AOPEP: variants seen among roughly 807,000 people sequenced by gnomAD.
The protein encoded by AOPEP is aminopeptidase O (putative).
Under a neutral mutation model 98.1 loss-of-function variants are expected in AOPEP, and 77 were observed. The ratio of observed to expected loss-of-function variants is 0.78; its 90% CI spans 0.65 to 0.95. The LOEUF (loss-of-function observed/expected upper bound fraction) is 0.95, where lower values mean the gene tolerates loss of function less well. AOPEP is among the 40% of genes least tolerant of loss of function. The pLI is 0.00. For missense variants in AOPEP, 1,024 were observed against 1,024.7 expected (o/e 1.00, Z 0.01); for synonymous variants, 346 against 365.3 (o/e 0.95, Z 0.60).
At chr9:95,064,627 G>T (rs2067682872) in intron 14 of AOPEP, among the ~76,000 whole-genome samples, 1 of 152,182 alleles carries the variant, frequency 6.6e-6, no homozygotes, top group Non-Finnish European at 1.5e-5. Flanking sequence ...CAAGCCATTG[G>T]TCAGGGGGCG....
At chr9:94,826,689 A>T (rs548764671) in intron 5 of AOPEP, among the ~76,000 whole-genome samples, 1 of 152,270 alleles carries the variant, frequency 6.6e-6, no homozygotes, top group South Asian at 2.1e-4. Context: ...GATTGATGTC[A>T]TGTGATAATA....
intron 1 of AOPEP, among the ~76,000 whole-genome samples, chr9:94,737,237 C>T (rs369877208): frequency 2.6e-4 from 40 of 151,974 alleles, no homozygotes; most frequent in African/African-American, 9.4e-4. Context: ...CCTGAGTAGC[C>T]GAGAGTACAA....
chr9:94,864,494 G>GAAT (rs2045485076), intron 5 of AOPEP, among the ~76,000 whole-genome samples: 1 of 152,180 alleles, frequency 6.6e-6, no homozygotes, highest in Admixed American at 6.5e-5. Context: ...ATTCATAAGA[G>GAAT]GATTTATTTA....
Position 94,930,201 on chromosome 9 carries a change from C to T in AOPEP, c.1661+1670C>T, listed in dbSNP as rs532566597. On this transcript the variant is annotated intron_variant, in intron 7 of 16. Transcript: ENST00000375315. This position sits in a 1 kb window ranked among gnomAD's most constrained non-coding sequence, Gnocchi z 4.5. The stretch of plus-strand genomic sequence containing the variant: ...GAGTGCCTGTGACAGATGCAAGACG[C>T]AGACCTATTTGAAATGTGTTTTGGC... Among the ~76,000 whole-genome samples the T allele has an allele frequency of 3.9e-5, 6 of 152,190 alleles. No individual in the cohort carries two copies. Among genetic ancestry groups the T allele is most frequent in the Non-Finnish European group, 7.3e-5 (5 of 68,036 alleles).
At chr9:94,999,635 A>G (rs544260191) in intron 11 of AOPEP, among the ~76,000 whole-genome samples, 2 of 152,202 alleles carry the variant, frequency 1.3e-5, no homozygotes, top group Non-Finnish European at 2.9e-5. Context: ...CCAGAACTTA[A>G]TGCGATAACA....
chr9:94,833,629 A>G (rs2041194204), intron 5 of AOPEP, among the ~76,000 whole-genome samples: 1 of 152,216 alleles, frequency 6.6e-6, no homozygotes, highest in East Asian at 1.9e-4. Flanking sequence ...TGAAGTTTCT[A>G]CTGGGACAAT....
intron 14 of AOPEP, 150 bp downstream of exon 14, chr9:95,060,960 A>C: frequency 3.2e-6 from 2 of 627,268 alleles, no homozygotes; most frequent in South Asian, 1.9e-5. Context: ...TAAGTGCTTT[A>C]ATCTGATTAT....
At chr9:94,847,440 T>G (rs1244587630) in intron 5 of AOPEP, among the ~76,000 whole-genome samples, 2 of 152,170 alleles carry the variant, frequency 1.3e-5, no homozygotes. Context: ...GCAGGGCTGG[T>G]TGGGAAAACC....
intron 5 of AOPEP, among the ~76,000 whole-genome samples, chr9:94,841,518 G>T (rs2042271748): frequency 6.6e-6 from 1 of 152,096 alleles, no homozygotes; most frequent in African/African-American, 2.4e-5. Flanking sequence ...TATTCACTTT[G>T]ATGCCTTCTA....
At chr9:95,039,155 A>AG (rs2065078522) in intron 13 of AOPEP, among the ~76,000 whole-genome samples, 1 of 152,184 alleles carries the variant, frequency 6.6e-6, no homozygotes, top group African/African-American at 2.4e-5. Flanking sequence ...TTAACATGGG[A>AG]TCGGCCCATG....
chr9:94,936,199 C>G (rs1481205223), intron 7 of AOPEP, among the ~76,000 whole-genome samples: 2 of 152,158 alleles, frequency 1.3e-5, no homozygotes, highest in Admixed American at 1.3e-4. Flanking sequence ...GGTTCTGCCA[C>G]CTCCTTGCTA....
the AOPEP span, among the ~76,000 whole-genome samples, chr9:95,094,502 T>C: frequency 1.3e-5 from 2 of 152,108 alleles, no homozygotes; most frequent in South Asian, 4.2e-4. Context: ...CTCCCCCAGG[T>C]CCCTGGGAAG....
At chr9:95,110,500 A>G in the AOPEP span, 1 of 1,030,760 alleles carries the variant, frequency 9.7e-7, no homozygotes, top group Non-Finnish European at 1.2e-6. Flanking sequence ...CCTCAAATAC[A>G]TACGTGGGTT....
At chr9:94,744,701 C>CAAAAAAAAA (rs757571360) in intron 1 of AOPEP, among the ~76,000 whole-genome samples, 1 of 56,068 alleles carries the variant, frequency 1.8e-5, no homozygotes, top group Non-Finnish European at 3.9e-5. Context: ...GACTCTGTCT[C>CAAAAAAAAA]AAAAAAAAAA....
At chr9:95,107,128 G>C in the AOPEP span, 10 of 1,614,118 alleles carry the variant, frequency 6.2e-6, no homozygotes, top group African/African-American at 6.7e-5. Context: ...AAGTTGAGGA[G>C]AAGGTGCCTG....
Position 94,980,465 on chromosome 9 carries a change from T to C in AOPEP, c.1977+1038T>C, listed in dbSNP as rs1055852629. On this transcript the variant is annotated intron_variant, in intron 11 of 16. Coordinates refer to ENST00000375315, the MANE Select transcript of AOPEP (RefSeq NM_001193329.3). The surrounding 1 kb of genome is among the most constrained non-coding windows in gnomAD (Gnocchi z 4.3). ...GAGGGTCTCAATGTCAGTGAATGTC[T>C]GTGAACCATGAAATGAAGGGACAGG... Among the ~76,000 whole-genome samples, 6 of 152,236 alleles carry C rather than the reference T, an allele frequency of 3.9e-5. No individual in the cohort carries two copies. The highest frequency in any genetic ancestry group is 8.8e-5 in the Non-Finnish European group (6 of 68,034).
chr9:94,743,206 G>GAAGAGGAAT (rs1833626081), intron 1 of AOPEP, among the ~76,000 whole-genome samples: 1 of 140,042 alleles, frequency 7.1e-6, no homozygotes, highest in Admixed American at 7.0e-5. Context: ...AGAAGAGGAA[G>GAAGAGGAAT]AAGAGGAAGA....
At chr9:94,986,071 G>A (rs1290480914) in intron 11 of AOPEP, among the ~76,000 whole-genome samples, 4 of 152,198 alleles carry the variant, frequency 2.6e-5, no homozygotes, top group Admixed American at 2.0e-4. Flanking sequence ...CAGACTGGGT[G>A]GCTTAAACAA....
At chr9:95,102,371 C>A in the AOPEP span, among the ~76,000 whole-genome samples, 2 of 152,170 alleles carry the variant, frequency 1.3e-5, no homozygotes, top group Non-Finnish European at 2.9e-5. Flanking sequence ...CTGATTCTTG[C>A]GGGAGAGCAG....
Sources: allele counts gnomAD v4.1 joint callset (sites outside exome capture counted in the v4.1 genomes callset), GRCh38; gene constraint gnomAD v4.1.1; non-coding constraint Gnocchi (gnomAD v3.1); transcripts MANE v1.5; gene names NCBI Gene and HGNC (gene_info 2026-07-23, HGNC 2026-07-21).